The following BTN3A3 variants were observed in gnomAD, a reference collection of about 807,000 sequenced individuals.
BTN3A3 encodes butyrophilin 3.
In BTN3A3, 39 loss-of-function variants were observed where a neutral mutation model predicts 43.2. The observed-to-expected ratio is 0.90, with a 90% CI of 0.70 to 1.18. The LOEUF (loss-of-function observed/expected upper bound fraction) is 1.18. Ranked by LOEUF, BTN3A3 falls within the 50% of genes most tolerant of loss-of-function variation. The probability of loss-of-function intolerance (pLI) is 0.00; values close to 1 mark genes in which losing one functional copy is unlikely to be tolerated. For missense variants in BTN3A3, 631 were observed against 722.8 expected (o/e 0.87, Z 1.46); for synonymous variants, 255 against 272.7 (o/e 0.93, Z 0.64).
intron 5 of BTN3A3, among the ~76,000 whole-genome samples, chr6:26,446,476 C>T (rs536037359): frequency 2.0e-5 from 3 of 152,272 alleles, no homozygotes; most frequent in East Asian, 3.9e-4. Context: ...AATCATTTTT[C>T]ACTTATGATA....
intron 8 of BTN3A3, 114 bp from the exon 9 acceptor site, chr6:26,449,548 A>G: frequency 1.8e-6 from 2 of 1,112,504 alleles, no homozygotes; most frequent in Admixed American, 3.8e-5. Context: ...GTGAGACCAC[A>G]GGGAAGAGTG....
At chr6:26,447,531 T>G (rs906665664) in intron 5 of BTN3A3, among the ~76,000 whole-genome samples, 34 of 152,152 alleles carry the variant, frequency 2.2e-4, no homozygotes, top group African/African-American at 7.0e-4. Flanking sequence ...CCCAGCTAAT[T>G]TTTGTAATTT....
At chr6:26,442,640 T>A (rs139840113) in intron 1 of BTN3A3, among the ~76,000 whole-genome samples, 1 of 152,208 alleles carries the variant, frequency 6.6e-6, no homozygotes, top group African/African-American at 2.4e-5. Flanking sequence ...CAGTCTCCTG[T>A]TGGGTGGCTG....
Position 26,452,442 on chromosome 6 carries a change from T to C in BTN3A3, c.*31T>C. ...ATTCCATTATTCCATATGACAGTTG[T>C]TTTGAGTTTCGTACCACCTTATTGT... On this transcript the variant is annotated 3_prime_UTR_variant, in exon 11 of 11. Coordinates refer to ENST00000244519, the MANE Select transcript of BTN3A3 (RefSeq NM_006994.5). 1.2e-5 allele frequency: 19 copies of C among 1,546,282 alleles called. No individual in the cohort carries two copies. The highest frequency in any genetic ancestry group is 1.7e-5 in the Non-Finnish European group (19 of 1,150,332).
At position 26,452,157 on chromosome 6, in the gene BTN3A3, AT is replaced by A. The variant is rs1762949821; in HGVS notation, c.1505del (p.Leu502Ter). 1 of 1,613,954 alleles carries A rather than the reference AT, an allele frequency of 6.2e-7. No homozygotes were observed. Among genetic ancestry groups the A allele is most frequent in the Admixed American group, 1.7e-5 (1 of 59,996 alleles). ...TGAGCCTCTATATCCTGTTTTCAGAATTTTGACCTTGGAGCCCACTGCCCTG... is the reference window on the plus strand; with the variant it reads ...TGAGCCTCTATATCCTGTTTTCAGAATTTGACCTTGGAGCCCACTGCCCTG... The part of the protein sequence containing the change: ...FSEPLYPVFR[I>X]LTLEPTALTI... On this transcript the variant is annotated frameshift_variant, in exon 11 of 11. Coordinates refer to ENST00000244519, the MANE Select transcript of BTN3A3 (RefSeq NM_006994.5). LOFTEE classifies it low-confidence loss of function (END_TRUNC).
chr6:26,443,645 T>A lies in BTN3A3; in HGVS notation c.71T>A (p.Leu24His). 2 of 1,614,248 alleles carry A rather than the reference T, an allele frequency of 1.2e-6. No individual in the cohort carries two copies. The highest frequency in any genetic ancestry group is 1.7e-6 in the Non-Finnish European group (2 of 1,180,046). ...FHVSLFLVQL[L>H]TPCSAQFSVL... ...GTCTCCCTCTTCTTGGTCCAGCTGCTCACTCCTTGCTCAGGTAGGGAATGA... is the reference window on the plus strand; with the variant it reads ...GTCTCCCTCTTCTTGGTCCAGCTGCACACTCCTTGCTCAGGTAGGGAATGA... Residue 24 changes from leucine (L) to histidine (H), a missense_variant, in exon 3 of 11, where the codon CTC becomes CAC. Leu to His is a moderately conservative substitution (Grantham distance 99). Transcript: ENST00000244519.
At chr6:26,449,823 G>T (rs1762880493) in intron 9 of BTN3A3, 135 bp downstream of exon 9, 1 of 1,191,236 alleles carries the variant, frequency 8.4e-7, no homozygotes, top group African/African-American at 1.5e-5. Flanking sequence ...TTGCATGGTA[G>T]GGGGTTGACT....
At chr6:26,450,507 CT>C (rs1762900841) in intron 10 of BTN3A3, among the ~76,000 whole-genome samples, 1 of 152,232 alleles carries the variant, frequency 6.6e-6, no homozygotes, top group African/African-American at 2.4e-5. Flanking sequence ...CTCATGCCCC[CT>C]ACTGCCTGTG....
chr6:26,446,449 T>C (rs1358449622), intron 5 of BTN3A3, among the ~76,000 whole-genome samples: 1 of 152,220 alleles, frequency 6.6e-6, no homozygotes, highest in African/African-American at 2.4e-5. Flanking sequence ...TCTCACTCAT[T>C]AGGGAAACAT....
At position 26,444,103 on chromosome 6, in the gene BTN3A3, G is replaced by A. The variant is rs137957846; in HGVS notation, c.232G>A (p.Val78Met). 1.3e-4 allele frequency: 213 copies of A among 1,613,980 alleles called. No individual in the cohort carries two copies. Among genetic ancestry groups the A allele is most frequent in the Non-Finnish European group, 1.7e-4 (198 of 1,179,870 alleles). Residue 78 changes from valine to methionine, a missense_variant, in exon 4 of 11, where the codon GTG (valine) becomes ATG (methionine). Physicochemically the swap from Val to Met is conservative, Grantham distance 21. Around this residue, in one of 2 missense-constraint regions of BTN3A3, gnomAD observed 80 missense variants for 138.7 expected, o/e 0.58. Transcript: ENST00000244519. ...TTCCAGCCTAAGGCAGGTGGTGAAC[G>A]TGTATGCAGATGGAAAGGAAGTGGA... ...VSSSLRQVVNVYADGKEVEDR... is the reference protein window; with the variant it reads ...VSSSLRQVVNMYADGKEVEDR...
chr6:26,446,379 A>T (rs1280612632), intron 5 of BTN3A3, among the ~76,000 whole-genome samples: 1 of 152,248 alleles, frequency 6.6e-6, no homozygotes, highest in Non-Finnish European at 1.5e-5. Flanking sequence ...AAAAAATATT[A>T]ACAAAGGTCA....
intron 1 of BTN3A3, among the ~76,000 whole-genome samples, chr6:26,442,186 G>A (rs2066531992): frequency 6.6e-6 from 1 of 152,138 alleles, no homozygotes; most frequent in Non-Finnish European, 1.5e-5. Flanking sequence ...TACAGCAGCG[G>A]GTGTTGTGGC....
chr6:26,446,051 T>C, intron 5 of BTN3A3, 66 bp downstream of exon 5: 1 of 1,595,326 alleles, frequency 6.3e-7, no homozygotes, highest in South Asian at 1.1e-5. Context: ...GGGGGATGTG[T>C]GAGTCTCTAC....
rs1194240702 is a variant in BTN3A3, at chr6:26,445,789, C to T, written c.519C>T (p.Pro173=). 1 of 1,614,020 alleles carries T rather than the reference C, an allele frequency of 6.2e-7. No individual in the cohort carries two copies. Among genetic ancestry groups the T allele is most frequent in the East Asian group, 2.2e-5 (1 of 44,894 alleles). Residue 173 remains proline (P), a synonymous_variant, in exon 5 of 11, where the codon CCC becomes CCT. Transcript: ENST00000244519. ...HLECRSTGWY[P]QPQIKWSDTK... Reference sequence around the variant, plus strand: ...AGTGCAGGTCCACTGGCTGGTACCCCCAACCCCAAATAAAGTGGAGCGACA... The same window carrying T: ...AGTGCAGGTCCACTGGCTGGTACCCTCAACCCCAAATAAAGTGGAGCGACA...
chr6:26,449,765 A>C (rs1043600919), intron 9 of BTN3A3, 77 bp downstream of exon 9: 9 of 1,549,966 alleles, frequency 5.8e-6, no homozygotes, highest in Admixed American at 1.7e-5. Context: ...GCTGTGACCC[A>C]TTGACGTTCT....
rs1762690447 is a variant in BTN3A3 at position 26,443,367 on chromosome 6, A to G, written c.-66-15A>G. The G allele has an allele frequency of 2.5e-6, 3 of 1,224,130 alleles. No individual in the cohort carries two copies. Among genetic ancestry groups the G allele is most frequent in the African/African-American group, 3.1e-5 (2 of 64,184 alleles). The allele number at this position is 1,224,130 out of a possible 1,614,324, so 75.8% of individuals were successfully genotyped here. ...CAGAGATGTCCTGATCAGATAACAGATATTATTTTTACAGATGGTTTTCCA... is the reference window on the plus strand; with the variant it reads ...CAGAGATGTCCTGATCAGATAACAGGTATTATTTTTACAGATGGTTTTCCA... On this transcript the variant is annotated splice_polypyrimidine_tract_variant and intron_variant, in intron 1 of 10. Transcript: ENST00000244519.
rs1762955522 is a variant in BTN3A3 at position 26,452,347 on chromosome 6, T to G, written c.1691T>G (p.Val564Gly). The change falls in exon 11 of 11, where the codon GTC (valine) becomes GGC (glycine). Residue 564 changes from valine to glycine, a missense_variant. Physicochemically the swap from Val to Gly is moderately radical, Grantham distance 109. Transcript: ENST00000244519. ...CTCCCTGCCCACCCTGGAGCTGAGG[T>G]CTCCCCTTCTGCAACAACCAATCAG... ...LLLPAHPGAE[V>G]SPSATTNQNH... The G allele has an allele frequency of 6.2e-7, 1 of 1,610,780 alleles. No homozygotes were observed. The highest frequency in any genetic ancestry group is 8.5e-7 in the Non-Finnish European group (1 of 1,179,998).
intron 3 of BTN3A3, 138 bp from the exon 4 acceptor site, chr6:26,443,817 AAG>A (rs1762702899): frequency 6.7e-7 from 1 of 1,487,930 alleles, no homozygotes; most frequent in Admixed American, 1.9e-5. Context: ...ACCTGTCACA[AAG>A]AGACAAATGG....
intron 3 of BTN3A3, 108 bp from the exon 4 acceptor site, chr6:26,443,849 T>C (rs1762704277): frequency 6.5e-7 from 1 of 1,540,614 alleles, no homozygotes; most frequent in Non-Finnish European, 8.9e-7. Context: ...TAGGATTGTG[T>C]TCCCCTCTAG....
Sources: gnomAD v4.1 joint callset for allele counts (sites outside exome capture counted in the v4.1 genomes callset) on GRCh38, gnomAD v4.1.1 for gene constraint, gnomAD v4.1.1 regional missense constraint, MANE v1.5 for transcripts, NCBI Gene and HGNC (gene_info 2026-07-23, HGNC 2026-07-21) for gene names.